TMPRSS15: variants seen among roughly 807,000 people sequenced by gnomAD.
The protein encoded by TMPRSS15 is transmembrane serine protease 15, also known as enteropeptidase.
A neutral mutation model predicts 125.3 loss-of-function variants in TMPRSS15; 128 were observed. That is an observed-to-expected ratio of 1.02 (90% CI 0.89 to 1.18). The LOEUF is 1.18. Among genes scored for constraint, TMPRSS15 ranks in the 50% most tolerant of loss-of-function variants. The pLI, the probability that TMPRSS15 is intolerant of heterozygous loss-of-function variation, is 0.00. For synonymous variants in TMPRSS15, 446 were observed against 423.2 expected, an observed-to-expected ratio of 1.05 and a Z score of -0.66; for missense variants, 1,283 against 1,212.7, an observed-to-expected ratio of 1.06 and a Z score of -0.86.
chr21:18,313,353 A>C (rs187735282), intron 17 of TMPRSS15, among the ~76,000 whole-genome samples: 54 of 148,674 alleles, frequency 3.6e-4, no homozygotes, highest in African/African-American at 7.3e-4. Flanking sequence ...CTCTCTCTAT[A>C]TATATATACA....
At chr21:18,295,214 A>G (rs556034903) in intron 19 of TMPRSS15, among the ~76,000 whole-genome samples, 2 of 152,326 alleles carry the variant, frequency 1.3e-5, no homozygotes, top group South Asian at 4.1e-4. Context: ...AAGCACATAT[A>G]AAAGAAAGCA....
rs1251968357 is a variant in TMPRSS15, at chr21:18,352,954, A to C, written c.1120T>G (p.Phe374Val). The C allele has an allele frequency of 1.2e-6, 2 of 1,612,504 alleles. No individual in the cohort carries two copies. The highest frequency in any genetic ancestry group is 1.1e-5 in the South Asian group (1 of 91,052). Residue 374 changes from phenylalanine (F) to valine (V), a missense_variant, in exon 10 of 25, where the codon TTT becomes GTT. Transcript: ENST00000284885. Reference sequence around the variant, plus strand: ...AAATTGGGTCCAGTAAAAGGAGAAAAGGTGCTTCCCTGAATCCTTTCCCAT... The same window carrying C: ...AAATTGGGTCCAGTAAAAGGAGAAACGGTGCTTCCCTGAATCCTTTCCCAT... The part of the protein sequence containing the change: ...NEWERIQGST[F>V]SPFTGPNFDH...
chr21:18,387,946 A>G (rs1420274640), intron 3 of TMPRSS15, among the ~76,000 whole-genome samples: 3 of 151,802 alleles, frequency 2.0e-5, no homozygotes, highest in African/African-American at 4.9e-5. Flanking sequence ...AAAGTTAATA[A>G]TGAGTCTTCT....
chr21:18,315,454 C>CACGTTGTGCACGTGTACCCTAGA (rs1345838633), intron 16 of TMPRSS15, among the ~76,000 whole-genome samples, 198 bp from the exon 17 acceptor site: 1 of 125,552 alleles, frequency 8.0e-6, no homozygotes, highest in East Asian at 2.5e-4. Context: ...AACAAACCTG[C>CACGTTGTGCACGTGTACCCTAGA]ACGTTGTGCA....
At chr21:18,321,771 C>T (rs2075240684) in intron 16 of TMPRSS15, among the ~76,000 whole-genome samples, 1 of 152,172 alleles carries the variant, frequency 6.6e-6, no homozygotes, top group Non-Finnish European at 1.5e-5. Context: ...ACAGCCAAGT[C>T]CCTGTTTCTG....
At chr21:18,313,623 T>A (rs2075126000) in intron 17 of TMPRSS15, among the ~76,000 whole-genome samples, 1 of 151,920 alleles carries the variant, frequency 6.6e-6, no homozygotes, top group Admixed American at 6.6e-5. Context: ...ATGTTCTTAA[T>A]ATTTCGAGTT....
At chr21:18,349,092 T>C (rs77817388) in intron 10 of TMPRSS15, among the ~76,000 whole-genome samples, 1 of 152,348 alleles carries the variant, frequency 6.6e-6, no homozygotes, top group East Asian at 1.9e-4. Flanking sequence ...TAAACTATAC[T>C]ACCTCCCACA....
intron 1 of TMPRSS15, among the ~76,000 whole-genome samples, chr21:18,419,470 C>A (rs1043349470): frequency 6.6e-6 from 1 of 152,136 alleles, no homozygotes; most frequent in South Asian, 2.1e-4. Context: ...CGTGATCCAC[C>A]TGCCTCAGCC....
intron 1 of TMPRSS15, among the ~76,000 whole-genome samples, chr21:18,435,488 T>A (rs3928902): frequency 0.12 from 17,769 of 152,120 alleles, 1,176 homozygotes; most frequent in African/African-American, 0.16. Flanking sequence ...AGCCCACTTG[T>A]TCATGGGGGA....
At chr21:18,359,959 AC>A (rs1374559221) in intron 7 of TMPRSS15, 96 bp from the exon 8 acceptor site, 1 of 655,974 alleles carries the variant, frequency 1.5e-6, no homozygotes, top group East Asian at 2.9e-5. Flanking sequence ...TGTGGTGAAC[AC>A]CACATAATAT....
chr21:18,291,644 A>G (rs1476322465), intron 21 of TMPRSS15, among the ~76,000 whole-genome samples: 1 of 152,216 alleles, frequency 6.6e-6, no homozygotes, highest in African/African-American at 2.4e-5. Context: ...AAGAGCCAGT[A>G]TTAACATACT....
chr21:18,309,780 C>T (rs889261571), intron 18 of TMPRSS15, among the ~76,000 whole-genome samples: 1 of 152,166 alleles, frequency 6.6e-6, no homozygotes, highest in Non-Finnish European at 1.5e-5. Context: ...CAGGAAACAA[C>T]AGATGCTGGA....
chr21:18,448,991 A>C (rs2076261646), intron 1 of TMPRSS15, among the ~76,000 whole-genome samples: 1 of 152,150 alleles, frequency 6.6e-6, no homozygotes, highest in Non-Finnish European at 1.5e-5. Flanking sequence ...TGCTGTTTAT[A>C]TTGGTGAGTT....
At chr21:18,407,452 T>C (rs1261417199), upstream of TMPRSS15, among the ~76,000 whole-genome samples, 2 of 72,216 alleles carry the variant, frequency 2.8e-5, no homozygotes, top group Admixed American at 1.9e-4. Flanking sequence ...TCTTTTCTTT[T>C]TTTTTTTTTT....
At chr21:18,427,450 A>G (rs973471875) in intron 1 of TMPRSS15, among the ~76,000 whole-genome samples, 5 of 152,242 alleles carry the variant, frequency 3.3e-5, no homozygotes, top group African/African-American at 1.2e-4. Flanking sequence ...ATTTCTTTTA[A>G]CAACTGTTCT....
At chr21:18,356,582 G>A (rs1224673249) in intron 8 of TMPRSS15, among the ~76,000 whole-genome samples, 1 of 151,668 alleles carries the variant, frequency 6.6e-6, no homozygotes, top group East Asian at 1.9e-4. Flanking sequence ...ACTATGATTG[G>A]CGAATCTTTG....
intron 3 of TMPRSS15, among the ~76,000 whole-genome samples, chr21:18,388,216 G>T (rs2075962208): frequency 6.6e-6 from 1 of 152,130 alleles, no homozygotes; most frequent in Non-Finnish European, 1.5e-5. Context: ...CTACACTGAT[G>T]AAGTACATTA....
At chr21:18,389,877 AC>A (rs1378339817) in intron 3 of TMPRSS15, among the ~76,000 whole-genome samples, 2 of 152,146 alleles carry the variant, frequency 1.3e-5, no homozygotes, top group Non-Finnish European at 2.9e-5. Flanking sequence ...GTTGTTCCTT[AC>A]CTGAGATGTG....
intron 5 of TMPRSS15, among the ~76,000 whole-genome samples, chr21:18,376,688 A>G (rs2075847360): frequency 6.6e-6 from 1 of 152,100 alleles, no homozygotes; most frequent in South Asian, 2.1e-4. Context: ...CACGGGAGCA[A>G]TTGCCAAAAC....
Sources: allele counts gnomAD v4.1 joint callset (sites outside exome capture counted in the v4.1 genomes callset), GRCh38; gene constraint gnomAD v4.1.1; transcripts MANE v1.5; gene names NCBI Gene and HGNC (gene_info 2026-07-23, HGNC 2026-07-21).